Variants in ATG3 observed in about 807,000 individuals in gnomAD.
ATG3 encodes the protein autophagy related 3.
ATG3 carries 25 observed loss-of-function variants against 50.7 expected under a neutral mutation model. That is an observed-to-expected ratio of 0.49 (90% CI 0.36 to 0.69). ATG3 has a LOEUF of 0.69. Ranked by LOEUF, ATG3 falls within the 30% of genes least tolerant of loss-of-function variation. The pLI, the probability that ATG3 is intolerant of heterozygous loss-of-function variation, is 0.00. For missense variants in ATG3, 281 were observed against 376.0 expected (o/e 0.75, Z 2.09); for synonymous variants, 119 against 125.5 (o/e 0.95, Z 0.34).
intron 5 of ATG3, among the ~76,000 whole-genome samples, chr3:112,546,117 C>T (rs1933360626): frequency 6.6e-6 from 1 of 152,030 alleles, no homozygotes; most frequent in Admixed American, 6.6e-5. Flanking sequence ...CCCATATAAT[C>T]AGATGAGTCA....
rs543257021 is a variant in ATG3 at position 112,535,621 on chromosome 3, G to A, written c.794+854C>T. The A allele has an allele frequency of 9.9e-5, 15 of 152,138 alleles. No individual in the cohort carries two copies. The East Asian group carries it at 2.5e-3, about 25-fold the overall frequency. 9.4% of individuals were successfully genotyped at this position (152,138 alleles called of 1,614,324 possible). On this transcript the variant is annotated intron_variant, in intron 10 of 11. Coordinates refer to ENST00000283290, the MANE Select transcript of ATG3 (RefSeq NM_022488.5). Reference sequence around the variant, plus strand: ...GCAAAGTTTCAGACATAATAAAACTGAAAAAATGAGCAAGGTCTTCCACGG... The same window carrying A: ...GCAAAGTTTCAGACATAATAAAACTAAAAAAATGAGCAAGGTCTTCCACGG...
intron 9 of ATG3, 115 bp from the exon 10 acceptor site, chr3:112,536,717 C>T (rs1184526567): frequency 2.8e-5 from 30 of 1,058,384 alleles, no homozygotes; most frequent in East Asian, 8.0e-5. Context: ...GTCAGGAGAT[C>T]GAGACCATCC....
intron 4 of ATG3, among the ~76,000 whole-genome samples, chr3:112,548,901 C>G (rs930434946): frequency 6.6e-6 from 1 of 152,184 alleles, no homozygotes; most frequent in African/African-American, 2.4e-5. Context: ...CATTCCTTTA[C>G]CATGATGGTC....
Position 112,536,483 on chromosome 3 carries a change from G to T in ATG3, c.786C>A (p.His262Gln). The change falls in exon 10 of 12, where the codon CAC (histidine) becomes CAA (glutamine). Residue 262 changes from histidine to glutamine, a missense_variant. His to Gln is a conservative substitution (Grantham distance 24). Transcript: ENST00000283290. The stretch of plus-strand genomic sequence containing the variant: ...TCTCTACATATACAGACCTGCATGG[G>T]TGAACTGAACACATGGGAGGTGGTG... ...HLPPPPMCSV[H>Q]PCRHAEVMKK... 6.2e-7 allele frequency: 1 copy of T among 1,613,518 alleles called. No homozygotes were observed. Among genetic ancestry groups the T allele is most frequent in the Non-Finnish European group, 8.5e-7 (1 of 1,179,482 alleles).
chr3:112,559,818 G>T (rs1265012416), intron 1 of ATG3, among the ~76,000 whole-genome samples: 1 of 152,194 alleles, frequency 6.6e-6, no homozygotes. Flanking sequence ...AGAGATGATT[G>T]TAAGAACTTC....
At chr3:112,536,355 T>G in intron 10 of ATG3, 120 bp downstream of exon 10, 1 of 1,237,882 alleles carries the variant, frequency 8.1e-7, no homozygotes, top group Non-Finnish European at 1.1e-6. Flanking sequence ...AAGAGAGAAT[T>G]TTACTTTTTA....
At chr3:112,556,401 T>TG (rs1287778792) in intron 2 of ATG3, among the ~76,000 whole-genome samples, 123 of 141,752 alleles carry the variant, frequency 8.7e-4, no homozygotes, top group Non-Finnish European at 1.3e-3. Context: ...GGGAGGGAGG[T>TG]GGGGGGGTCA....
chr3:112,546,050 C>G (rs1176874188), intron 5 of ATG3, among the ~76,000 whole-genome samples: 2 of 150,740 alleles, frequency 1.3e-5, no homozygotes, highest in East Asian at 3.9e-4. Flanking sequence ...GCTGCAATAT[C>G]AACACTCCCT....
intron 4 of ATG3, 43 bp downstream of exon 4, chr3:112,550,149 A>G (rs372819732): frequency 7.7e-5 from 109 of 1,415,898 alleles, no homozygotes; most frequent in Middle Eastern, 7.2e-4. Context: ...ATTTTAATAT[A>G]CCTCTACGCA....
intron 9 of ATG3, 68 bp from the exon 10 acceptor site, chr3:112,536,670 C>CCACCT: frequency 6.4e-7 from 1 of 1,559,014 alleles, no homozygotes; most frequent in Non-Finnish European, 8.8e-7. Flanking sequence ...GCCTGTAATC[C>CCACCT]CAGCACTGTG....
At position 112,534,331 on chromosome 3, in the gene ATG3, A is replaced by G. The variant is rs1165721633; in HGVS notation, c.801T>C (p.Ala267=). Residue 267 remains alanine, a synonymous_variant, in exon 11 of 12, where the codon GCT becomes GCC. Transcript: ENST00000283290. ...TCTCAATGATTTTCTTCATCACCTC[A>G]GCATGCCTAGAAGCCAAAAAAAAAA... ...PMCSVHPCRH[A]EVMKKIIETV... 3.8e-5 allele frequency: 58 copies of G among 1,524,230 alleles called. No individual in the cohort carries two copies. The highest frequency in any genetic ancestry group is 4.5e-5 in the Non-Finnish European group (52 of 1,145,022). 94.4% of individuals were successfully genotyped at this position (1,524,230 alleles called of 1,614,324 possible). A position where few individuals can be genotyped will look rare whatever the true frequency, so the allele number is the denominator to read the frequency against.
chr3:112,536,103 A>G (rs1933037637), intron 10 of ATG3: 1 of 211,564 alleles, frequency 4.7e-6, no homozygotes, highest in Non-Finnish European at 9.4e-6. Flanking sequence ...CACAGTCTAC[A>G]TTCACAGAAA....
intron 4 of ATG3, 42 bp downstream of exon 4, chr3:112,550,150 C>A: frequency 6.9e-7 from 1 of 1,446,534 alleles, no homozygotes; most frequent in Non-Finnish European, 9.6e-7. Context: ...TTTTAATATA[C>A]CTCTACGCAA....
At chr3:112,550,959 T>G (rs943222799) in intron 3 of ATG3, among the ~76,000 whole-genome samples, 1 of 152,224 alleles carries the variant, frequency 6.6e-6, no homozygotes, top group African/African-American at 2.4e-5. Flanking sequence ...TCAAGTTGCT[T>G]ATGATCACAA....
At chr3:112,545,429 T>C (rs1933345159) in intron 5 of ATG3, among the ~76,000 whole-genome samples, 1 of 152,194 alleles carries the variant, frequency 6.6e-6, no homozygotes, top group Non-Finnish European at 1.5e-5. Context: ...AAAACCTAAG[T>C]ACAGAATATG....
chr3:112,554,764 ATACTC>A (rs1295781978), intron 2 of ATG3, among the ~76,000 whole-genome samples: 2 of 151,044 alleles, frequency 1.3e-5, no homozygotes, highest in Admixed American at 6.7e-5. Flanking sequence ...CCTATATAAA[ATACTC>A]TAGTTTAATT....
chr3:112,536,741 G>T (rs945705518), intron 9 of ATG3, 139 bp from the exon 10 acceptor site: 2 of 791,416 alleles, frequency 2.5e-6, no homozygotes, highest in South Asian at 3.6e-5. Context: ...CTAACATGGT[G>T]AAACACCGTC....
intron 5 of ATG3, among the ~76,000 whole-genome samples, chr3:112,546,691 C>T (rs1365799902): frequency 2.0e-5 from 3 of 152,160 alleles, no homozygotes; most frequent in Non-Finnish European, 4.4e-5. Context: ...TATCTGGCCT[C>T]ATAAGTCACT....
chr3:112,537,698 A>T, intron 9 of ATG3, 37 bp downstream of exon 9: 1 of 1,447,496 alleles, frequency 6.9e-7, no homozygotes, highest in Non-Finnish European at 9.2e-7. Flanking sequence ...AACAATTTAA[A>T]ATATTGATAT....
Sources: allele counts gnomAD v4.1 joint callset (sites outside exome capture counted in the v4.1 genomes callset), GRCh38; gene constraint gnomAD v4.1.1; transcripts MANE v1.5; gene names NCBI Gene and HGNC (gene_info 2026-07-23, HGNC 2026-07-21).